The following KHDRBS2 variants were observed in gnomAD, a reference collection of about 807,000 sequenced individuals.
KHDRBS2 encodes the protein KH RNA binding domain containing, signal transduction associated 2.
KHDRBS2 carries 26 observed loss-of-function variants against 44.3 expected under a neutral mutation model. The observed-to-expected ratio is 0.59, with a 90% CI of 0.43 to 0.81. The LOEUF is 0.81. KHDRBS2 is among the 40% of genes least tolerant of loss of function. The probability of loss-of-function intolerance (pLI) is 0.00; values close to 1 mark genes in which losing one functional copy is unlikely to be tolerated. For synonymous variants in KHDRBS2, 194 were observed against 151.1 expected, an observed-to-expected ratio of 1.28 and a Z score of -2.08; for missense variants, 476 against 433.1, an observed-to-expected ratio of 1.10 and a Z score of -0.88.
chr6:62,179,269 C>T (rs1030465743), intron 1 of KHDRBS2, among the ~76,000 whole-genome samples: 32 of 151,710 alleles, frequency 2.1e-4, no homozygotes, highest in Non-Finnish European at 4.6e-4. Context: ...GGTACAATTT[C>T]CCTAAAGACA....
intron 2 of KHDRBS2, among the ~76,000 whole-genome samples, chr6:62,160,959 C>T (rs908352578): frequency 6.6e-6 from 1 of 152,104 alleles, no homozygotes; most frequent in Non-Finnish European, 1.5e-5. Context: ...TCTATATCCA[C>T]TGAACAATAA....
chr6:62,091,332 A>G (rs1346497737), intron 2 of KHDRBS2, among the ~76,000 whole-genome samples: 1 of 152,156 alleles, frequency 6.6e-6, no homozygotes, highest in Non-Finnish European at 1.5e-5. Flanking sequence ...TAATTTTCTA[A>G]TAATTCTTAG....
intron 6 of KHDRBS2, among the ~76,000 whole-genome samples, chr6:61,757,695 T>C (rs1778696322): frequency 6.6e-6 from 1 of 152,148 alleles, no homozygotes; most frequent in Admixed American, 6.6e-5. Context: ...CTCAATATTT[T>C]TGTGATTCAA....
At chr6:62,109,179 A>G (rs1032524856) in intron 2 of KHDRBS2, among the ~76,000 whole-genome samples, 4 of 152,076 alleles carry the variant, frequency 2.6e-5, no homozygotes, top group Non-Finnish European at 5.9e-5. Context: ...AGTTGTTTAC[A>G]ATTTGAAAAA....
At chr6:62,071,866 A>G (rs1239697050) in intron 2 of KHDRBS2, among the ~76,000 whole-genome samples, 1 of 152,126 alleles carries the variant, frequency 6.6e-6, no homozygotes, top group African/African-American at 2.4e-5. Flanking sequence ...AGTTTTTTCC[A>G]ATTCTGTGAA....
chr6:62,278,710 G>A (rs1171280040), intron 1 of KHDRBS2, among the ~76,000 whole-genome samples: 4 of 152,222 alleles, frequency 2.6e-5, no homozygotes, highest in Non-Finnish European at 4.4e-5. Context: ...CACAAGATTC[G>A]GGAATGACAT....
rs150822748 is a variant in KHDRBS2 at position 61,715,834 on chromosome 6, G to A, written c.893+16848C>T. Among the ~76,000 whole-genome samples the A allele has an allele frequency of 5.9e-3, 889 of 151,464 alleles. 11 individuals are homozygous for A. The highest frequency in any genetic ancestry group is 0.02 in the African/African-American group (839 of 41,284). The stretch of plus-strand genomic sequence containing the variant: ...TATCTTGATTATTTTGTGTTGGACA[G>A]AATTTAGAAAATCAGGACCATAGCT... On this transcript the variant is annotated intron_variant, in intron 7 of 8. Coordinates refer to ENST00000281156, the MANE Select transcript of KHDRBS2 (RefSeq NM_152688.4).
At chr6:61,853,374 T>A (rs1795724860) in intron 6 of KHDRBS2, among the ~76,000 whole-genome samples, 1 of 152,200 alleles carries the variant, frequency 6.6e-6, no homozygotes, top group South Asian at 2.1e-4. Context: ...TTATTAAGCC[T>A]GTATCATACT....
chr6:61,833,308 T>C (rs553918190), intron 6 of KHDRBS2, among the ~76,000 whole-genome samples: 28 of 152,334 alleles, frequency 1.8e-4, no homozygotes, highest in African/African-American at 6.5e-4. Flanking sequence ...ACATTACCTA[T>C]ATTCTTTGTC....
the KHDRBS2 span, among the ~76,000 whole-genome samples, chr6:61,597,739 TATATATATATATATATATAC>T: frequency 8.9e-3 from 367 of 41,290 alleles, 24 homozygotes; most frequent in African/African-American, 0.05. Context: ...CTTTTATATA[TATATATATATATATATATAC>T]ATATATATAT....
chr6:62,253,291 T>C (rs1354855904), intron 1 of KHDRBS2, among the ~76,000 whole-genome samples: 1 of 152,050 alleles, frequency 6.6e-6, no homozygotes, highest in Non-Finnish European at 1.5e-5. Flanking sequence ...TTGCTTTGTA[T>C]ATGTTTATAT....
chr6:62,237,755 T>C (rs1327459426), intron 1 of KHDRBS2, among the ~76,000 whole-genome samples: 3 of 152,126 alleles, frequency 2.0e-5, no homozygotes, highest in African/African-American at 7.2e-5. Context: ...AAGAAAAATA[T>C]TGAGGCCCGG....
At chr6:61,659,634 C>A in the KHDRBS2 span, among the ~76,000 whole-genome samples, 1 of 151,804 alleles carries the variant, frequency 6.6e-6, no homozygotes, top group Non-Finnish European at 1.5e-5. Context: ...CTTCGGTGTT[C>A]TTTTCTTGCA....
chr6:61,579,950 G>C, the KHDRBS2 span, among the ~76,000 whole-genome samples: 1 of 151,804 alleles, frequency 6.6e-6, no homozygotes, highest in Non-Finnish European at 1.5e-5. Context: ...CCAGCTACTT[G>C]GGAGGCTGAG....
At chr6:61,546,674 T>C in the KHDRBS2 span, among the ~76,000 whole-genome samples, 7 of 152,186 alleles carry the variant, frequency 4.6e-5, no homozygotes, top group African/African-American at 1.4e-4. Context: ...AATCAGTGAG[T>C]ATCAGTGGTC....
intron 7 of KHDRBS2, among the ~76,000 whole-genome samples, chr6:61,723,989 A>T (rs1321671606): frequency 2.0e-5 from 3 of 152,120 alleles, no homozygotes; most frequent in African/African-American, 7.2e-5. Flanking sequence ...CCATGAGAAG[A>T]TCAACCCCAA....
At chr6:62,156,980 C>T (rs535331268) in intron 2 of KHDRBS2, among the ~76,000 whole-genome samples, 14 of 151,252 alleles carry the variant, frequency 9.3e-5, no homozygotes, top group Admixed American at 2.6e-4. Context: ...CCACTGCGCC[C>T]GGCCAATTTT....
chr6:61,955,057 T>C (rs1766260440), intron 4 of KHDRBS2, among the ~76,000 whole-genome samples: 2 of 144,842 alleles, frequency 1.4e-5, no homozygotes, highest in Non-Finnish European at 3.0e-5. Flanking sequence ...TACATATATG[T>C]ATGTATACAC....
intron 5 of KHDRBS2, among the ~76,000 whole-genome samples, chr6:61,899,934 G>C (rs1337684004): frequency 2.6e-5 from 4 of 151,874 alleles, no homozygotes; most frequent in Non-Finnish European, 5.9e-5. Flanking sequence ...ACCTCATCAA[G>C]ATGAGATTAG....
Sources: gnomAD v4.1 joint callset for allele counts (sites outside exome capture counted in the v4.1 genomes callset) on GRCh38, gnomAD v4.1.1 for gene constraint, MANE v1.5 for transcripts, NCBI Gene and HGNC (gene_info 2026-07-23, HGNC 2026-07-21) for gene names.